Variants in ST6GAL1 observed in about 807,000 individuals in gnomAD.
ST6GAL1 encodes the protein beta-galactoside alpha-2,6-sialyltransferase 1.
A neutral mutation model predicts 38.0 loss-of-function variants in ST6GAL1; 20 were observed. The ratio of observed to expected loss-of-function variants is 0.53; its 90% CI spans 0.37 to 0.77. ST6GAL1 has a LOEUF of 0.77. Ranked by LOEUF, ST6GAL1 falls within the 30% of genes least tolerant of loss-of-function variation. The pLI, the probability that ST6GAL1 is intolerant of heterozygous loss-of-function variation, is 0.00. For synonymous variants in ST6GAL1, 196 were observed against 188.2 expected (o/e 1.04, Z -0.34); for missense variants, 432 against 496.4 (o/e 0.87, Z 1.23).
At chr3:187,019,597 G>A (rs146987589) in intron 2 of ST6GAL1, among the ~76,000 whole-genome samples, 202 of 152,324 alleles carry the variant, frequency 1.3e-3, no homozygotes, top group African/African-American at 4.7e-3. Flanking sequence ...TCCCTGATAT[G>A]AGGAAAGAGA....
At chr3:187,061,682 T>C (rs1254944888) in intron 5 of ST6GAL1, among the ~76,000 whole-genome samples, 2 of 152,130 alleles carry the variant, frequency 1.3e-5, no homozygotes, top group Non-Finnish European at 2.9e-5. Flanking sequence ...AAGAATAAAG[T>C]TGGACCCTTA....
chr3:186,938,962 A>G (rs955534025), intron 1 of ST6GAL1, among the ~76,000 whole-genome samples: 10 of 151,118 alleles, frequency 6.6e-5, no homozygotes, highest in African/African-American at 2.2e-4. Flanking sequence ...GTGTGTGTGT[A>G]TGTGTGTGTA....
At chr3:186,995,191 C>T (rs1716322459) in intron 2 of ST6GAL1, among the ~76,000 whole-genome samples, 1 of 151,730 alleles carries the variant, frequency 6.6e-6, no homozygotes, top group Admixed American at 6.6e-5. Context: ...AATCCAAGTG[C>T]AATAGATTGA....
Position 186,975,184 on chromosome 3 carries a change from T to C in ST6GAL1, c.-183+11258T>C, listed in dbSNP as rs1054777774. 7 of 153,008 alleles carry C rather than the reference T, an allele frequency of 4.6e-5. 1 individual carries two copies. The highest frequency in any genetic ancestry group is 1.7e-4 in the African/African-American group (7 of 41,562). The allele number at this position is 153,008 out of a possible 1,614,324, so 9.5% of individuals were successfully genotyped here. On this transcript the variant is annotated intron_variant, in intron 2 of 7. Coordinates refer to ENST00000169298, the MANE Select transcript of ST6GAL1 (RefSeq NM_173216.2). ...GTGAATCCAGGGAAGCGGGTGCCTG[T>C]GTGCACGGTGGGTGTTGCTTGGAGG...
rs1398958180 is a variant in ST6GAL1 at position 186,952,428 on chromosome 3, G to T, written c.-324-11357G>T. ...TTCTCTTGGCTTCTGGAACATCACT[G>T]TCTTTGCTTTTCCTCTTCTCTCACT... is the stretch of plus-strand genomic sequence containing the variant. On this transcript the variant is annotated intron_variant, in intron 1 of 7. Transcript: ENST00000169298. The surrounding 1 kb of genome is among the most constrained non-coding windows in gnomAD (Gnocchi z 4.1). 6.6e-6 allele frequency among the ~76,000 whole-genome samples: 1 copy of T among 152,084 alleles called. No homozygotes were observed. The highest frequency in any genetic ancestry group is 2.4e-5 in the African/African-American group (1 of 41,424).
At chr3:187,003,925 C>T (rs769404260) in intron 2 of ST6GAL1, among the ~76,000 whole-genome samples, 1 of 152,098 alleles carries the variant, frequency 6.6e-6, no homozygotes, top group South Asian at 2.1e-4. Context: ...GGAAATGTGG[C>T]CTCAGGGATT....
intron 2 of ST6GAL1, among the ~76,000 whole-genome samples, chr3:187,027,131 G>A (rs777175898): frequency 1.3e-5 from 2 of 151,870 alleles, no homozygotes; most frequent in Non-Finnish European, 2.9e-5. Flanking sequence ...ATCATGAAAT[G>A]AGAAAAAGGA....
chr3:187,011,826 T>C (rs971664153), intron 2 of ST6GAL1, among the ~76,000 whole-genome samples: 3 of 152,224 alleles, frequency 2.0e-5, no homozygotes, highest in African/African-American at 4.8e-5. Flanking sequence ...TGTTAGGGAA[T>C]TGGGTCATCT....
chr3:187,022,236 C>T (rs1275145467), intron 2 of ST6GAL1, among the ~76,000 whole-genome samples: 1 of 152,158 alleles, frequency 6.6e-6, no homozygotes, highest in African/African-American at 2.4e-5. Flanking sequence ...GCTGGTGTCG[C>T]TGCTTGGTGT....
chr3:187,038,197 CTT>C lies in ST6GAL1; in HGVS notation c.-182-525_-182-524del, dbSNP rs1185371884. On this transcript the variant is annotated intron_variant, in intron 2 of 7. Transcript: ENST00000169298. ...TTCTTATCTGGTGTCAAGTCTATTT[CTT>C]TTTTTTTTTTTTTTTTTTTCTTTTG... 7.1e-3 allele frequency among the ~76,000 whole-genome samples: 629 copies of C among 88,552 alleles called. 4 individuals carry two copies. The highest frequency in any genetic ancestry group is 0.035 in the African/African-American group (600 of 17,320). The allele number at this position is 88,552 out of a possible 152,430, so 58.1% of individuals were successfully genotyped here.
chr3:187,074,443 T>A, intron 7 of ST6GAL1, 110 bp downstream of exon 7: 1 of 1,235,128 alleles, frequency 8.1e-7, no homozygotes, highest in Non-Finnish European at 1.1e-6. Context: ...ACTAAACAAT[T>A]GCTAGGATTC....
intron 5 of ST6GAL1, among the ~76,000 whole-genome samples, chr3:187,053,036 C>G (rs1029805952): frequency 1.7e-4 from 26 of 152,338 alleles, no homozygotes; most frequent in Non-Finnish European, 2.6e-4. Context: ...ATTTGCATTT[C>G]TCTGATGACC....
At chr3:187,030,579 G>A (rs541052964) in intron 2 of ST6GAL1, among the ~76,000 whole-genome samples, 53 of 152,100 alleles carry the variant, frequency 3.5e-4, no homozygotes, top group African/African-American at 9.6e-4. Context: ...GATTACAGGC[G>A]CCCGCCACCA....
In ST6GAL1 at chr3:187,042,841, GGTGTTAAA is replaced by G. The variant is rs749779489; in HGVS notation, c.140_147del (p.Val47GlufsTer10). 6.2e-7 allele frequency: 1 copy of G among 1,614,222 alleles called. No individual in the cohort carries two copies. The highest frequency in any genetic ancestry group is 1.1e-5 in the South Asian group (1 of 91,086). On this transcript the variant is annotated frameshift_variant, in exon 4 of 8. Coordinates refer to ENST00000169298, the MANE Select transcript of ST6GAL1 (RefSeq NM_173216.2). LOFTEE classifies it high-confidence loss of function. ...TTAAATTGCAAACCAAGGAATTCCA[GGTGTTAAA>G]GAGTCTGGGGAAATTGGCCATGGGG...
intron 2 of ST6GAL1, among the ~76,000 whole-genome samples, chr3:186,978,537 G>A (rs1324865783): frequency 6.6e-6 from 1 of 152,162 alleles, no homozygotes; most frequent in Admixed American, 6.5e-5. Context: ...GGGGCTGCAG[G>A]CCAGACCAGG....
intron 1 of ST6GAL1, among the ~76,000 whole-genome samples, chr3:186,934,942 TG>T (rs1187715265): frequency 6.6e-6 from 1 of 151,974 alleles, no homozygotes; most frequent in Non-Finnish European, 1.5e-5. Context: ...AATTTTTGTA[TG>T]TTTAGTAAAG....
At chr3:186,984,962 G>A (rs1348813402) in intron 2 of ST6GAL1, among the ~76,000 whole-genome samples, 1 of 151,466 alleles carries the variant, frequency 6.6e-6, no homozygotes, top group Non-Finnish European at 1.5e-5. Context: ...AGGCTGAAGT[G>A]CAGTGGCACG....
At chr3:187,072,445 C>G (rs1419750711) in intron 5 of ST6GAL1, 1 of 314,312 alleles carries the variant, frequency 3.2e-6, no homozygotes, top group Non-Finnish European at 6.2e-6. Flanking sequence ...ATGTAGTGTA[C>G]TGGACTCTCT....
At chr3:187,025,200 G>A (rs1451308635) in intron 2 of ST6GAL1, among the ~76,000 whole-genome samples, 1 of 152,068 alleles carries the variant, frequency 6.6e-6, no homozygotes. Context: ...TGTTGGATCC[G>A]CAGTTGGGAA....
Sources: gnomAD v4.1 joint callset for allele counts (sites outside exome capture counted in the v4.1 genomes callset) on GRCh38, gnomAD v4.1.1 for gene constraint, Gnocchi (gnomAD v3.1) non-coding constraint, MANE v1.5 for transcripts, NCBI Gene and HGNC (gene_info 2026-07-23, HGNC 2026-07-21) for gene names.